The following STAC variants were observed in gnomAD, a reference collection of about 807,000 sequenced individuals.
The protein encoded by STAC is SH3 and cysteine-rich domain-containing protein.
Under a neutral mutation model 48.8 loss-of-function variants are expected in STAC, and 43 were observed. The observed-to-expected ratio is 0.88, with a 90% CI of 0.69 to 1.14. The LOEUF (loss-of-function observed/expected upper bound fraction) is 1.14. Ranked by LOEUF, STAC falls within the 50% of genes most tolerant of loss-of-function variation. STAC has a pLI of 0.00. For synonymous variants in STAC, 193 were observed against 179.5 expected (o/e 1.07, Z -0.60); for missense variants, 497 against 504.0 (o/e 0.99, Z 0.13).
intron 2 of STAC, among the ~76,000 whole-genome samples, chr3:36,446,756 CTA>C (rs1696517854): frequency 6.6e-6 from 1 of 152,184 alleles, no homozygotes; most frequent in African/African-American, 2.4e-5. Context: ...GTTTCAAAAA[CTA>C]TTTTTAAATT....
At chr3:36,385,495 T>C (rs1364942177) in intron 1 of STAC, among the ~76,000 whole-genome samples, 2 of 152,118 alleles carry the variant, frequency 1.3e-5, no homozygotes. Context: ...AGTCTTTTTT[T>C]TAGTAAACTT....
chr3:36,547,405 G>C lies in STAC; in HGVS notation c.*1116G>C, dbSNP rs2125509271. On this transcript the variant is annotated 3_prime_UTR_variant, in exon 11 of 11. Coordinates refer to ENST00000273183, the MANE Select transcript of STAC (RefSeq NM_003149.3). ...AATGCTTCTTCCTTCAGAAAGTAGAGGAACTAGGGGCCCAATTAGCATCAT... is the reference window on the plus strand; with the variant it reads ...AATGCTTCTTCCTTCAGAAAGTAGACGAACTAGGGGCCCAATTAGCATCAT... 1 of 152,742 alleles carries C rather than the reference G, an allele frequency of 6.5e-6. No homozygotes were observed. Among genetic ancestry groups the C allele is most frequent in the African/African-American group, 2.4e-5 (1 of 41,578 alleles). The allele number at this position is 152,742 out of a possible 1,614,324, so 9.5% of individuals were successfully genotyped here. A position where few individuals can be genotyped will look rare whatever the true frequency, so the allele number is the denominator to read the frequency against.
chr3:36,380,816 T>C (rs1196406142), intron 1 of STAC, 62 bp downstream of exon 1: 5 of 1,348,752 alleles, frequency 3.7e-6, no homozygotes, highest in Non-Finnish European at 5.2e-6. Flanking sequence ...TCGGTCCAGC[T>C]TTGTCTCTCC....
intron 1 of STAC, among the ~76,000 whole-genome samples, chr3:36,410,019 A>G (rs1188408696): frequency 2.0e-5 from 3 of 152,170 alleles, no homozygotes; most frequent in African/African-American, 7.2e-5. Flanking sequence ...ATTTTTAGAG[A>G]AAGTGATTTG....
chr3:36,407,202 G>A (rs765348979), intron 1 of STAC, among the ~76,000 whole-genome samples: 17 of 152,130 alleles, frequency 1.1e-4, no homozygotes, highest in African/African-American at 3.1e-4. Context: ...AATTATGTCC[G>A]TCTTCCCTTT....
rs1357077549 is a variant in STAC at position 36,453,832 on chromosome 3, C to CTCTGCA, written c.388+10196_388+10201dup. ...GGGATTGTAAACACACCGATCGGCA[C>CTCTGCA]TCTGCATCTAGCTCAAGGTTTGTAA... On this transcript the variant is annotated intron_variant, in intron 2 of 10. Transcript: ENST00000273183. 2.6e-5 allele frequency among the ~76,000 whole-genome samples: 4 copies of CTCTGCA among 152,228 alleles called. No individual in the cohort carries two copies. In the East Asian group the frequency reaches 7.7e-4, roughly 29 times the overall value.
intron 1 of STAC, among the ~76,000 whole-genome samples, chr3:36,415,608 A>G (rs1559482925): frequency 6.6e-6 from 1 of 152,196 alleles, no homozygotes; most frequent in African/African-American, 2.4e-5. Context: ...CCGTTGGTGC[A>G]CTGCACCCAC....
rs141427741 is a variant in STAC, at chr3:36,484,993, G to A, written c.506G>A (p.Arg169His). The change falls in exon 4 of 11, where the codon CGT becomes CAT. Residue 169 changes from arginine (R) to histidine (H), a missense_variant. Coordinates refer to ENST00000273183, the MANE Select transcript of STAC (RefSeq NM_003149.3). ...CMGKLPKGFR[R>H]YYSSPLLIHE... is the part of the protein sequence containing the mutation. ...TCTCTCCAGCCAAAGGGGTTTCGGC[G>A]TTACTACAGCTCCCCCTTGCTCATT... 5.0e-5 allele frequency: 80 copies of A among 1,600,974 alleles called. No individual in the cohort carries two copies. Among genetic ancestry groups the A allele is most frequent in the Admixed American group, 3.6e-4 (21 of 58,140 alleles).
chr3:36,382,210 G>A (rs976493003), intron 1 of STAC, among the ~76,000 whole-genome samples: 1 of 152,220 alleles, frequency 6.6e-6, no homozygotes, highest in Non-Finnish European at 1.5e-5. Flanking sequence ...ATATAGGTTA[G>A]TGGCCATTTT....
At chr3:36,446,357 C>G (rs1696509004) in intron 2 of STAC, among the ~76,000 whole-genome samples, 1 of 152,164 alleles carries the variant, frequency 6.6e-6, no homozygotes. Flanking sequence ...ATGCCCCTGC[C>G]TTTGAGTCAC....
intron 1 of STAC, among the ~76,000 whole-genome samples, chr3:36,390,677 A>C (rs2125616039): frequency 6.6e-6 from 1 of 152,088 alleles, no homozygotes; most frequent in South Asian, 2.1e-4. Flanking sequence ...GTTCTTGGTC[A>C]GATTTTATTT....
At chr3:36,452,339 A>ATATATG (rs1696707417) in intron 2 of STAC, among the ~76,000 whole-genome samples, 1 of 152,202 alleles carries the variant, frequency 6.6e-6, no homozygotes, top group African/African-American at 2.4e-5. Flanking sequence ...ATATAGTATA[A>ATATATG]CCTTTCAAGG....
intron 6 of STAC, among the ~76,000 whole-genome samples, chr3:36,495,358 C>A (rs1698119663): frequency 6.6e-6 from 1 of 152,178 alleles, no homozygotes; most frequent in Non-Finnish European, 1.5e-5. Flanking sequence ...TTTAAGTTAA[C>A]CTACCCAAAC....
At chr3:36,439,940 CCTT>C (rs1286873877) in intron 1 of STAC, among the ~76,000 whole-genome samples, 1 of 152,228 alleles carries the variant, frequency 6.6e-6, no homozygotes, top group African/African-American at 2.4e-5. Flanking sequence ...AGGGACACCT[CCTT>C]CTTCCCCCTT....
intron 1 of STAC, among the ~76,000 whole-genome samples, chr3:36,396,084 C>T (rs894251639): frequency 4.6e-5 from 7 of 152,126 alleles, no homozygotes; most frequent in African/African-American, 1.7e-4. Flanking sequence ...TTATTTCCTC[C>T]TCCTCCAGTT....
At chr3:36,457,024 C>A (rs909058104) in intron 2 of STAC, among the ~76,000 whole-genome samples, 1 of 152,192 alleles carries the variant, frequency 6.6e-6, no homozygotes, top group Admixed American at 6.5e-5. Flanking sequence ...TACCTCATTG[C>A]CCGAAGAATT....
chr3:36,523,053 G>C (rs1330813411), intron 8 of STAC, among the ~76,000 whole-genome samples: 1 of 152,174 alleles, frequency 6.6e-6, no homozygotes, highest in Non-Finnish European at 1.5e-5. Context: ...GAAAAACTGA[G>C]AAATAAGAGA....
chr3:36,497,833 A>G (rs1041689152), intron 6 of STAC, among the ~76,000 whole-genome samples: 1 of 152,186 alleles, frequency 6.6e-6, no homozygotes, highest in African/African-American at 2.4e-5. Flanking sequence ...AATTCATACT[A>G]CCTGTATGGG....
At chr3:36,504,050 G>A (rs186128395) in intron 6 of STAC, among the ~76,000 whole-genome samples, 79 of 152,158 alleles carry the variant, frequency 5.2e-4, no homozygotes, top group South Asian at 2.5e-3. Flanking sequence ...ATTAACAAGC[G>A]GTTTGATGCA....
Sources: allele counts gnomAD v4.1 joint callset (sites outside exome capture counted in the v4.1 genomes callset), GRCh38; gene constraint gnomAD v4.1.1; transcripts MANE v1.5; gene names NCBI Gene and HGNC (gene_info 2026-07-23, HGNC 2026-07-21).